Variants in ADGB observed in about 807,000 individuals in gnomAD.
ADGB encodes calpain-7-like protein.
A neutral mutation model predicts 210.5 loss-of-function variants in ADGB; 172 were observed. That is an observed-to-expected ratio of 0.82 (90% confidence interval 0.72 to 0.93). ADGB has a LOEUF of 0.93. Ranked by LOEUF, ADGB falls within the 40% of genes least tolerant of loss-of-function variation. The pLI is 0.00. For synonymous variants in ADGB, 658 were observed against 662.7 expected (o/e 0.99, Z 0.11); for missense variants, 2,025 against 1,964.8 (o/e 1.03, Z -0.58).
chr6:146,716,202 T>C (rs1411468426), intron 14 of ADGB, among the ~76,000 whole-genome samples: 2 of 152,172 alleles, frequency 1.3e-5, no homozygotes, highest in Non-Finnish European at 2.9e-5. Context: ...CCCTTTCTGT[T>C]GTCTGAGCCA....
At position 146,714,461 on chromosome 6, in the gene ADGB, T is replaced by C. The variant is rs538914336; in HGVS notation, c.1708-921T>C. On this transcript the variant is annotated intron_variant, in intron 13 of 35. Coordinates refer to ENST00000397944, the MANE Select transcript of ADGB (RefSeq NM_024694.4). ...GTCTCAGCACTTAGCTTGTGGACTT[T>C]CACTTAATTCCTCTGTTGTCTGTAC... Among the ~76,000 whole-genome samples, 9 of 152,322 alleles carry C rather than the reference T, an allele frequency of 5.9e-5. No homozygotes were observed. In the East Asian group the frequency reaches 1.7e-3, roughly 29 times the overall value.
intron 12 of ADGB, among the ~76,000 whole-genome samples, chr6:146,698,587 G>A (rs915878032): frequency 1.3e-5 from 2 of 152,166 alleles, no homozygotes; most frequent in African/African-American, 2.4e-5. Flanking sequence ...TAGGGAGGGA[G>A]CACTGCACAG....
rs75881113 is a variant in ADGB, at chr6:146,646,720, G to T, written c.330+1855G>T. Among the ~76,000 whole-genome samples, 197 of 152,244 alleles carry T rather than the reference G, an allele frequency of 1.3e-3. 6 individuals are homozygous for T. In the East Asian group the frequency reaches 0.034, roughly 26 times the overall value. ...TTTGATAAGTTTCAGCAACAAATCA[G>T]AGGCTGAATTTAGAAGAATTTAACT... On this transcript the variant is annotated intron_variant, in intron 3 of 35. Transcript: ENST00000397944.
chr6:146,788,379 C>T lies in ADGB; in HGVS notation c.4316-10C>T. 1.3e-6 allele frequency: 2 copies of T among 1,550,194 alleles called. No individual in the cohort carries two copies. The highest frequency in any genetic ancestry group is 1.7e-6 in the Non-Finnish European group (2 of 1,145,674). On this transcript the variant is annotated splice_polypyrimidine_tract_variant and intron_variant, in intron 32 of 35. Transcript: ENST00000397944. ...CCAGCTTTTTCAGTAATGCACATGT[C>T]ATGTTGTAGTAGAAACAGCTGCACG...
At chr6:146,723,650 T>C (rs1360701428) in intron 17 of ADGB, among the ~76,000 whole-genome samples, 1 of 152,124 alleles carries the variant, frequency 6.6e-6, no homozygotes, top group African/African-American at 2.4e-5. Context: ...GGCAGGAGAA[T>C]TGCTTGAACC....
At chr6:146,606,776 C>T (rs1214870739) in intron 1 of ADGB, among the ~76,000 whole-genome samples, 2 of 152,136 alleles carry the variant, frequency 1.3e-5, no homozygotes, top group Admixed American at 1.3e-4. Context: ...GTTTTTGTAT[C>T]AGTATCATGC....
chr6:146,657,035 C>G, intron 5 of ADGB, 55 bp downstream of exon 5: 1 of 1,438,390 alleles, frequency 7.0e-7, no homozygotes, highest in African/African-American at 1.4e-5. Context: ...TTGAAATATA[C>G]TTGTCCTGGC....
In ADGB at chr6:146,672,340, A is replaced by C. The variant is rs1227003416; in HGVS notation, c.960A>C (p.Pro320=). The change falls in exon 8 of 36, where the codon CCA becomes CCC. Residue 320 remains proline, a synonymous_variant. Transcript: ENST00000397944. ...IAVLDSKLKE[P]GKEGKEGKEI... ...TGTTAGATTCTAAATTAAAAGAACC[A>C]GGGAAAGAAGGGAAGGAGGGAAAAG... 9.0e-6 allele frequency: 14 copies of C among 1,551,398 alleles called. No homozygotes were observed. The highest frequency in any genetic ancestry group is 1.2e-5 in the Non-Finnish European group (14 of 1,146,850).
intron 8 of ADGB, among the ~76,000 whole-genome samples, chr6:146,674,974 C>G (rs1017286570): frequency 6.6e-6 from 1 of 151,922 alleles, no homozygotes; most frequent in African/African-American, 2.4e-5. Flanking sequence ...TATACATGCA[C>G]TCAAATATTG....
At chr6:146,653,285 G>A (rs1305201760) in intron 3 of ADGB, among the ~76,000 whole-genome samples, 1 of 151,840 alleles carries the variant, frequency 6.6e-6, no homozygotes, top group Non-Finnish European at 1.5e-5. Flanking sequence ...ATATTACAAT[G>A]GAATAACAGT....
intron 35 of ADGB, chr6:146,807,293 T>C (rs1409825373): frequency 2.8e-6 from 3 of 1,079,374 alleles, no homozygotes; most frequent in African/African-American, 3.3e-5. Flanking sequence ...TCATTTTGCC[T>C]ATGAATGTGT....
At chr6:146,792,511 T>C (rs999189364) in intron 33 of ADGB, among the ~76,000 whole-genome samples, 4 of 152,162 alleles carry the variant, frequency 2.6e-5, no homozygotes, top group African/African-American at 9.7e-5. Context: ...TGATTCATCA[T>C]TTTATACCAG....
chr6:146,774,243 T>C (rs1318869682), intron 29 of ADGB, among the ~76,000 whole-genome samples: 1 of 152,198 alleles, frequency 6.6e-6, no homozygotes, highest in East Asian at 1.9e-4. Context: ...AAAACATTAA[T>C]ATCTGAAATG....
intron 27 of ADGB, among the ~76,000 whole-genome samples, chr6:146,763,116 C>T (rs548583035): frequency 6.6e-6 from 1 of 152,284 alleles, no homozygotes; most frequent in Admixed American, 6.5e-5. Context: ...GGCTGTACTT[C>T]CCTGTATACA....
At chr6:146,734,995 T>C (rs1424069744) in intron 22 of ADGB, among the ~76,000 whole-genome samples, 1 of 152,038 alleles carries the variant, frequency 6.6e-6, no homozygotes, top group African/African-American at 2.4e-5. Context: ...GGAGAAGCCT[T>C]ACCTCCAATA....
intron 2 of ADGB, among the ~76,000 whole-genome samples, chr6:146,637,856 GAGA>G (rs1775447391): frequency 6.6e-6 from 1 of 151,862 alleles, no homozygotes; most frequent in Non-Finnish European, 1.5e-5. Context: ...CCAAAAAATT[GAGA>G]AGGAGACACT....
chr6:146,641,589 T>A (rs1387411432), intron 2 of ADGB, among the ~76,000 whole-genome samples: 1 of 151,562 alleles, frequency 6.6e-6, no homozygotes, highest in Non-Finnish European at 1.5e-5. Flanking sequence ...AGAGAGCCCA[T>A]AAGTAAGACC....
intron 1 of ADGB, among the ~76,000 whole-genome samples, chr6:146,629,707 A>G (rs1437388805): frequency 2.6e-5 from 4 of 152,152 alleles, no homozygotes; most frequent in Admixed American, 6.6e-5. Context: ...TCAATACTCT[A>G]TACAACAGAG....
chr6:146,807,443 G>C (rs976090586), intron 35 of ADGB: 3 of 1,551,518 alleles, frequency 1.9e-6, no homozygotes, highest in African/African-American at 2.7e-5. Context: ...TCGACATCCG[G>C]GAAGAGTACA....
Sources: gnomAD v4.1 joint callset for allele counts (sites outside exome capture counted in the v4.1 genomes callset) on GRCh38, gnomAD v4.1.1 for gene constraint, MANE v1.5 for transcripts, NCBI Gene and HGNC (gene_info 2026-07-23, HGNC 2026-07-21) for gene names.